The following GNAI1 variants were observed in gnomAD, a reference collection of about 807,000 sequenced individuals.
GNAI1 encodes G protein subunit alpha i1.
Under a neutral mutation model 38.9 loss-of-function variants are expected in GNAI1, and 11 were observed. The ratio of observed to expected loss-of-function variants is 0.28; its 90% CI spans 0.18 to 0.47. The LOEUF (loss-of-function observed/expected upper bound fraction) is 0.47, where lower values mean the gene tolerates loss of function less well. GNAI1 is among the 20% of genes least tolerant of loss of function. The pLI, the probability that GNAI1 is intolerant of heterozygous loss-of-function variation, is 0.99. For synonymous variants in GNAI1, 166 were observed against 145.1 expected (o/e 1.14, Z -1.04); for missense variants, 317 against 436.9 (o/e 0.73, Z 2.45).
intron 1 of GNAI1, among the ~76,000 whole-genome samples, chr7:80,142,072 C>G (rs1787536583): frequency 6.6e-6 from 1 of 152,176 alleles, no homozygotes; most frequent in Non-Finnish European, 1.5e-5. Context: ...TCTGAGCCCA[C>G]ACTGGGAGAG....
At chr7:80,206,676 A>G (rs1039076125) in intron 5 of GNAI1, among the ~76,000 whole-genome samples, 3 of 152,022 alleles carry the variant, frequency 2.0e-5, no homozygotes, top group African/African-American at 7.2e-5. Flanking sequence ...AATTATGTTC[A>G]GGTAATGGCT....
chr7:80,225,654 C>A lies in GNAI1; in HGVS notation c.*8161C>A, dbSNP rs1789146843. ...CAGGACTTAAATCAGGATAGAGTAT[C>A]AAATATTCCAAGGCCTTACATGCAT... On this transcript the variant is annotated 3_prime_UTR_variant, in exon 8 of 8. Transcript: ENST00000649796. Among the ~76,000 whole-genome samples the A allele has an allele frequency of 6.6e-6, 1 of 152,090 alleles. No homozygotes were observed. Among genetic ancestry groups the A allele is most frequent in the Non-Finnish European group, 1.5e-5 (1 of 68,012 alleles).
chr7:80,168,553 A>G (rs1032451951), intron 1 of GNAI1, among the ~76,000 whole-genome samples: 1 of 151,988 alleles, frequency 6.6e-6, no homozygotes, highest in Admixed American at 6.6e-5. Context: ...ACGCCCGGCT[A>G]ATTTTTGTAT....
intron 1 of GNAI1, among the ~76,000 whole-genome samples, chr7:80,168,410 CAG>C (rs1367907405): frequency 7.2e-5 from 11 of 152,120 alleles, no homozygotes; most frequent in African/African-American, 1.9e-4. Flanking sequence ...ATTTTTGAGA[CAG>C]AGTCTCACTT....
chr7:80,167,562 A>C (rs1390263903), intron 1 of GNAI1, among the ~76,000 whole-genome samples: 1 of 152,214 alleles, frequency 6.6e-6, no homozygotes, highest in Non-Finnish European at 1.5e-5. Context: ...ACTAAAAACC[A>C]CTATAATATG....
At chr7:80,178,728 T>G (rs1788238548) in intron 1 of GNAI1, among the ~76,000 whole-genome samples, 1 of 152,190 alleles carries the variant, frequency 6.6e-6, no homozygotes. Context: ...ACCAAAAAAT[T>G]GATATGAATT....
At position 80,199,163 on chromosome 7, in the gene GNAI1, CT is replaced by C; in HGVS notation, c.304-59del. On this transcript the variant is annotated intron_variant, in intron 3 of 7. Transcript: ENST00000649796. ...TTTTTTTTAACTCTAGAATTGTCTC[CT>C]TTGTACTTTTTATCTCTGACGTATC... 3 of 1,187,294 alleles carry C rather than the reference CT, an allele frequency of 2.5e-6. No individual in the cohort carries two copies. The South Asian group carries it at 5.4e-5, about 21-fold the overall frequency. The allele number at this position is 1,187,294 out of a possible 1,614,324, so 73.5% of individuals were successfully genotyped here. A position where few individuals can be genotyped will look rare whatever the true frequency, so the allele number is the denominator to read the frequency against.
intron 5 of GNAI1, among the ~76,000 whole-genome samples, chr7:80,210,133 T>C (rs532413221): frequency 6.6e-6 from 1 of 152,318 alleles, no homozygotes; most frequent in East Asian, 1.9e-4. Flanking sequence ...TTTCATTATA[T>C]AAGTGGTTAT....
At chr7:80,217,242 A>AGTTTCATAGGTATGAAACT in intron 7 of GNAI1, 61 bp from the exon 8 acceptor site, 1 of 1,077,344 alleles carries the variant, frequency 9.3e-7, no homozygotes. Flanking sequence ...AACTGAATTC[A>AGTTTCATAGGTATGAAACT]GTATTTTAAG....
intron 1 of GNAI1, among the ~76,000 whole-genome samples, chr7:80,178,409 G>A (rs922813205): frequency 2.6e-5 from 4 of 152,162 alleles, no homozygotes; most frequent in Non-Finnish European, 4.4e-5. Context: ...ATCACATGCT[G>A]CAGAAAAATC....
chr7:80,143,693 G>T (rs967860164), intron 1 of GNAI1, among the ~76,000 whole-genome samples: 1 of 152,016 alleles, frequency 6.6e-6, no homozygotes, highest in Non-Finnish European at 1.5e-5. Context: ...ATAAATGCTG[G>T]ATAATAAATA....
intron 4 of GNAI1, among the ~76,000 whole-genome samples, chr7:80,200,281 G>A (rs534213206): frequency 8.5e-4 from 96 of 113,482 alleles, no homozygotes; most frequent in Non-Finnish European, 1.2e-3. Context: ...AGCCATGCTC[G>A]TACCACTGCA....
At chr7:80,201,366 C>G (rs1183269184) in intron 4 of GNAI1, among the ~76,000 whole-genome samples, 1 of 152,002 alleles carries the variant, frequency 6.6e-6, no homozygotes, top group Non-Finnish European at 1.5e-5. Flanking sequence ...ACTTCCAGAC[C>G]CCCTCAGTCT....
At chr7:80,202,108 T>G (rs1457333616) in intron 4 of GNAI1, among the ~76,000 whole-genome samples, 1 of 152,160 alleles carries the variant, frequency 6.6e-6, no homozygotes, top group East Asian at 1.9e-4. Context: ...TTTTGTTTTT[T>G]GAGATGGAGT....
intron 1 of GNAI1, among the ~76,000 whole-genome samples, chr7:80,139,271 C>T (rs1239423561): frequency 3.9e-5 from 6 of 152,144 alleles, no homozygotes; most frequent in Non-Finnish European, 8.8e-5. Flanking sequence ...CCAATAGGCT[C>T]TCTTGCATCT....
chr7:80,186,047 T>TA (rs1788381531), intron 1 of GNAI1, among the ~76,000 whole-genome samples: 1 of 84,872 alleles, frequency 1.2e-5, no homozygotes, highest in Non-Finnish European at 2.5e-5. Flanking sequence ...TTTTTTTTTT[T>TA]TTTGAGACGG....
At position 80,224,704 on chromosome 7, in the gene GNAI1, C is replaced by T. The variant is rs1789131117; in HGVS notation, c.*7211C>T. Among the ~76,000 whole-genome samples, 1 of 152,170 alleles carries T rather than the reference C, an allele frequency of 6.6e-6. No homozygotes were observed. Among genetic ancestry groups the T allele is most frequent in the Non-Finnish European group, 1.5e-5 (1 of 68,032 alleles). ...CTCCATTTCACAAACATAGGAACTG[C>T]ACAGACACAGCAGCCACTACCCAGG... On this transcript the variant is annotated 3_prime_UTR_variant, in exon 8 of 8. Transcript: ENST00000649796.
intron 1 of GNAI1, among the ~76,000 whole-genome samples, chr7:80,141,459 A>C (rs1454616031): frequency 6.6e-6 from 1 of 152,206 alleles, no homozygotes; most frequent in Non-Finnish European, 1.5e-5. Flanking sequence ...GGTTATCATT[A>C]AATGGAAAGA....
intron 1 of GNAI1, among the ~76,000 whole-genome samples, chr7:80,148,969 G>T (rs987732942): frequency 3.0e-4 from 45 of 152,040 alleles, no homozygotes; most frequent in Admixed American, 6.6e-5. Context: ...TTAATTATAT[G>T]CAGTATCAGT....
Sources: gnomAD v4.1 joint callset for allele counts (sites outside exome capture counted in the v4.1 genomes callset) on GRCh38, gnomAD v4.1.1 for gene constraint, MANE v1.5 for transcripts, NCBI Gene and HGNC (gene_info 2026-07-23, HGNC 2026-07-21) for gene names.